Variants in PPP3CB observed in about 807,000 individuals in gnomAD.
PPP3CB encodes serine/threonine-protein phosphatase 2B catalytic subunit beta isoform.
A neutral mutation model predicts 66.4 loss-of-function variants in PPP3CB; 8 were observed. That is an observed-to-expected ratio of 0.12 (90% CI 0.07 to 0.22). PPP3CB has a LOEUF of 0.22. PPP3CB is among the 10% of genes least tolerant of loss of function. PPP3CB has a pLI of 1.00. For missense variants in PPP3CB, 319 were observed against 642.5 expected, an observed-to-expected ratio of 0.50 and a Z score of 5.44; for synonymous variants, 208 against 221.2, an observed-to-expected ratio of 0.94 and a Z score of 0.53.
rs199563556 is a variant in PPP3CB, at chr10:73,474,437, T to A, written c.523+482A>T. Among the ~76,000 whole-genome samples, 43 of 151,376 alleles carry A rather than the reference T, an allele frequency of 2.8e-4. No individual in the cohort carries two copies. The East Asian group carries it at 5.8e-3, about 20-fold the overall frequency. ...AAGAAATTCTGAAATGAAAAAAAAT[T>A]TTTTTTTTTGAGACAGGGTCTGACT... On this transcript the variant is annotated intron_variant, in intron 4 of 13. Transcript: ENST00000360663.
At chr10:73,468,157 C>T (rs1400138126) in intron 8 of PPP3CB, among the ~76,000 whole-genome samples, 1 of 152,064 alleles carries the variant, frequency 6.6e-6, no homozygotes, top group East Asian at 1.9e-4. Flanking sequence ...CCATTTGGAA[C>T]ATTTTACTTA....
At chr10:73,487,799 CCA>C (rs1379516275) in intron 1 of PPP3CB, among the ~76,000 whole-genome samples, 4 of 142,342 alleles carry the variant, frequency 2.8e-5, no homozygotes, top group Admixed American at 7.0e-5. Flanking sequence ...TTTTTTTTTT[CCA>C]CAGAGTCTCG....
intron 10 of PPP3CB, chr10:73,448,837 T>C (rs191982951): frequency 4.2e-5 from 19 of 447,868 alleles, no homozygotes; most frequent in Admixed American, 5.6e-5. Flanking sequence ...ATTTGGAAAT[T>C]TGAAAAATGT....
chr10:73,494,505 G>A (rs1193812578), intron 1 of PPP3CB, among the ~76,000 whole-genome samples: 3 of 152,006 alleles, frequency 2.0e-5, no homozygotes, highest in Non-Finnish European at 4.4e-5. Context: ...ATGTTGCCCA[G>A]GCTGGTCTCC....
intron 10 of PPP3CB, among the ~76,000 whole-genome samples, chr10:73,447,212 C>T (rs1371850666): frequency 6.6e-6 from 1 of 152,158 alleles, no homozygotes; most frequent in Non-Finnish European, 1.5e-5. Flanking sequence ...CAAATATATA[C>T]AATCTTTTAC....
At chr10:73,445,991 C>A (rs2056243403) in intron 11 of PPP3CB, among the ~76,000 whole-genome samples, 1 of 152,120 alleles carries the variant, frequency 6.6e-6, no homozygotes, top group South Asian at 2.1e-4. Context: ...TCGTGATCCA[C>A]CTGCCTTGGC....
intron 1 of PPP3CB, among the ~76,000 whole-genome samples, chr10:73,481,317 C>T (rs144658925): frequency 0.046 from 7,021 of 151,340 alleles, 498 homozygotes; most frequent in African/African-American, 0.15. Context: ...ACTAAAAACA[C>T]AAAAATTAGC....
chr10:73,468,941 T>C (rs1314814272), intron 8 of PPP3CB, among the ~76,000 whole-genome samples: 1 of 152,178 alleles, frequency 6.6e-6, no homozygotes, highest in African/African-American at 2.4e-5. Context: ...ATGGATAGAA[T>C]GAAAAATTAC....
intron 3 of PPP3CB, among the ~76,000 whole-genome samples, chr10:73,476,770 G>C (rs2056796242): frequency 6.6e-6 from 1 of 152,026 alleles, no homozygotes; most frequent in Non-Finnish European, 1.5e-5. Context: ...GCCATTTTCT[G>C]ATTTGCCTGA....
At chr10:73,479,278 A>G (rs370757197) in intron 2 of PPP3CB, 39 bp downstream of exon 2, 106 of 1,563,492 alleles carry the variant, frequency 6.8e-5, no homozygotes, top group Middle Eastern at 3.4e-4. Flanking sequence ...CTAAATAATG[A>G]CATAATAAAA....
At chr10:73,491,987 A>C (rs2057085672) in intron 1 of PPP3CB, among the ~76,000 whole-genome samples, 1 of 152,054 alleles carries the variant, frequency 6.6e-6, no homozygotes, top group Non-Finnish European at 1.5e-5. Flanking sequence ...TAAATAAATA[A>C]ATAAATAAAT....
At chr10:73,486,295 GT>G (rs1206671127) in intron 1 of PPP3CB, among the ~76,000 whole-genome samples, 8,618 of 117,782 alleles carry the variant, frequency 0.073, 346 homozygotes, top group East Asian at 0.21. Context: ...GGCCAGACTG[GT>G]TTTTTTTTTT....
At position 73,471,560 on chromosome 10, in the gene PPP3CB, T is replaced by A. The variant is rs1187107298; in HGVS notation, c.577A>T (p.Ser193Cys). 1.2e-6 allele frequency: 2 copies of A among 1,612,162 alleles called. No homozygotes were observed. Among genetic ancestry groups the A allele is most frequent in the Non-Finnish European group, 1.7e-6 (2 of 1,178,876 alleles). ...TTTAAAAGTGCAGCAAGAGGCAAAC[T>A]ATCAAAAGCTTCCATACAAGCTTCA... ...VYEACMEAFD[S>C]LPLAALLNQQ... The change falls in exon 5 of 14, where the codon AGT (serine) becomes TGT (cysteine). Residue 193 changes from serine (S) to cysteine (C), a missense_variant. Ser to Cys is a moderately radical substitution (Grantham distance 112). Coordinates refer to ENST00000360663, the MANE Select transcript of PPP3CB (RefSeq NM_021132.4).
At chr10:73,488,866 T>A (rs1443791782) in intron 1 of PPP3CB, among the ~76,000 whole-genome samples, 1 of 152,214 alleles carries the variant, frequency 6.6e-6, no homozygotes, top group African/African-American at 2.4e-5. Flanking sequence ...TCAATTTTCT[T>A]AAATCTCCAC....
intron 12 of PPP3CB, among the ~76,000 whole-genome samples, chr10:73,441,174 G>C (rs375066786): frequency 4.6e-5 from 7 of 152,308 alleles, no homozygotes; most frequent in African/African-American, 1.7e-4. Context: ...AGAAACTGAT[G>C]AATCTAAGGT....
chr10:73,451,109 CT>C, intron 10 of PPP3CB, among the ~76,000 whole-genome samples: 1 of 151,942 alleles, frequency 6.6e-6, no homozygotes, highest in East Asian at 1.9e-4. Flanking sequence ...AACAAGGAAC[CT>C]TTTTTTCTTA....
intron 9 of PPP3CB, among the ~76,000 whole-genome samples, chr10:73,458,808 G>T (rs1458375345): frequency 6.6e-6 from 1 of 152,130 alleles, no homozygotes; most frequent in East Asian, 1.9e-4. Flanking sequence ...AGTGGCTCAT[G>T]CCTGTAATCC....
At chr10:73,445,584 C>G (rs542791099) in intron 11 of PPP3CB, among the ~76,000 whole-genome samples, 6 of 148,072 alleles carry the variant, frequency 4.1e-5, no homozygotes, top group African/African-American at 1.2e-4. Context: ...TAGCTGGGAC[C>G]ACAGGTGCAT....
rs528238766 is a variant in PPP3CB at position 73,491,022 on chromosome 10, G to GTTTTT, written c.85+4778_85+4782dup. On this transcript the variant is annotated intron_variant, in intron 1 of 13. Transcript: ENST00000360663. ...TAATTTTTGTTTGTTTGTTTTTATT[G>GTTTTT]TTTTTTTTTTTTTTTTTTTTTTTTT... Among the ~76,000 whole-genome samples, 123 of 40,908 alleles carry GTTTTT rather than the reference G, an allele frequency of 3.0e-3. 2 individuals are homozygous for GTTTTT. Among genetic ancestry groups the GTTTTT allele is most frequent in the East Asian group, 6.0e-3 (6 of 1,004 alleles). 26.8% of individuals were successfully genotyped at this position (40,908 alleles called of 152,430 possible).
Sources: gnomAD v4.1 joint callset for allele counts (sites outside exome capture counted in the v4.1 genomes callset) on GRCh38, gnomAD v4.1.1 for gene constraint, MANE v1.5 for transcripts, NCBI Gene and HGNC (gene_info 2026-07-23, HGNC 2026-07-21) for gene names.